The following PACRG variants were observed in gnomAD, a reference collection of about 807,000 sequenced individuals.
PACRG encodes the protein parkin coregulated, also known as parkin coregulated gene protein.
Under a neutral mutation model 29.7 loss-of-function variants are expected in PACRG, and 29 were observed. That is an observed-to-expected ratio of 0.98 (90% CI 0.73 to 1.33). The LOEUF (loss-of-function observed/expected upper bound fraction) is 1.33, where lower values mean the gene tolerates loss of function less well. PACRG is among the 40% of genes most tolerant of loss of function. The pLI, the probability that PACRG is intolerant of heterozygous loss-of-function variation, is 0.00. For missense variants in PACRG, 279 were observed against 316.2 expected (o/e 0.88, Z 0.89); for synonymous variants, 116 against 118.7 (o/e 0.98, Z 0.15).
intron 2 of PACRG, among the ~76,000 whole-genome samples, chr6:162,939,393 A>G (rs1460127151): frequency 1.3e-5 from 2 of 152,222 alleles, no homozygotes; most frequent in Non-Finnish European, 2.9e-5. Flanking sequence ...AAAAACAAAG[A>G]TAAATAGCTG....
At chr6:162,947,608 A>ATTATT (rs1554313269) in intron 2 of PACRG, among the ~76,000 whole-genome samples, 1 of 66,346 alleles carries the variant, frequency 1.5e-5, no homozygotes, top group Non-Finnish European at 2.7e-5. Flanking sequence ...ATATATATAT[A>ATTATT]ATCATATATA....
intron 4 of PACRG, among the ~76,000 whole-genome samples, chr6:163,230,313 T>G (rs1781972783): frequency 6.6e-6 from 1 of 152,230 alleles, no homozygotes; most frequent in South Asian, 2.1e-4. Context: ...TACCAGTTAT[T>G]CCAATTTATC....
At chr6:162,727,610 A>T, upstream of PACRG, 3 of 1,554,766 alleles carry the variant, frequency 1.9e-6, no homozygotes, top group Middle Eastern at 1.7e-4. Flanking sequence ...GTGGCGCCAT[A>T]CCGGGGCGTG....
At chr6:162,873,967 G>A (rs1440388260) in intron 2 of PACRG, among the ~76,000 whole-genome samples, 2 of 151,924 alleles carry the variant, frequency 1.3e-5, no homozygotes. Flanking sequence ...GCTACAAACA[G>A]ATTTTATTGC....
chr6:162,967,249 T>C (rs1052117838), intron 2 of PACRG, among the ~76,000 whole-genome samples: 4 of 79,244 alleles, frequency 5.0e-5, no homozygotes, highest in Non-Finnish European at 7.5e-5. Context: ...TTACTAAAAC[T>C]GAAAAAAAAA....
Position 163,089,379 on chromosome 6 carries a change from C to T in PACRG, c.584C>T (p.Pro195Leu). ...GTGCCTTATTACCGTCAAATCCTCC[C>T]TGTCCTGAACATCTTTAAGAATATG... Reference protein sequence around the residue: ...ALVPYYRQILPVLNIFKNMNV... With the variant: ...ALVPYYRQILLVLNIFKNMNV... The change falls in exon 4 of 5, where the codon CCT (proline) becomes CTT (leucine). Residue 195 changes from proline to leucine, a missense_variant. Pro to Leu is a moderately conservative substitution (Grantham distance 98). Coordinates refer to ENST00000366888, the MANE Select transcript of PACRG (RefSeq NM_001080379.2). 6.2e-7 allele frequency: 1 copy of T among 1,614,168 alleles called. No individual in the cohort carries two copies. The highest frequency in any genetic ancestry group is 1.1e-5 in the South Asian group (1 of 91,076).
Position 163,272,282 on chromosome 6 carries a change from G to A in PACRG, c.614-42545G>A, listed in dbSNP as rs147073480. On this transcript the variant is annotated intron_variant, in intron 4 of 4. Transcript: ENST00000366888. Reference sequence around the variant, plus strand: ...TTGAACTCCTGACCTCATGATCTGCGTCCCTCGGCCTTCCAAAGTGCTGGG... The same window carrying A: ...TTGAACTCCTGACCTCATGATCTGCATCCCTCGGCCTTCCAAAGTGCTGGG... Among the ~76,000 whole-genome samples, 69 of 152,160 alleles carry A rather than the reference G, an allele frequency of 4.5e-4. 2 individuals carry two copies. The South Asian group carries it at 0.012, about 26-fold the overall frequency.
At chr6:163,287,106 C>T (rs1348853351) in intron 4 of PACRG, among the ~76,000 whole-genome samples, 1 of 152,078 alleles carries the variant, frequency 6.6e-6, no homozygotes, top group Admixed American at 6.6e-5. Context: ...GTAGTTTGCA[C>T]CTAACTTTTA....
chr6:163,162,641 A>T (rs2982908), intron 4 of PACRG, among the ~76,000 whole-genome samples: 114,492 of 152,152 alleles, frequency 0.75, 44,233 homozygotes, highest in African/African-American at 0.94. Context: ...ACCTTTCTAG[A>T]CCTGCAAGGA....
At chr6:163,018,655 G>A (rs994181688) in intron 2 of PACRG, among the ~76,000 whole-genome samples, 21 of 152,282 alleles carry the variant, frequency 1.4e-4, no homozygotes, top group African/African-American at 4.3e-4. Flanking sequence ...TTCAGTGAAG[G>A]TCAGTAACTT....
chr6:162,828,899 C>G (rs1003344528), intron 2 of PACRG, among the ~76,000 whole-genome samples: 3 of 151,742 alleles, frequency 2.0e-5, no homozygotes, highest in Admixed American at 1.3e-4. Flanking sequence ...AGTTATAACC[C>G]GACACTAATG....
chr6:162,828,406 A>G (rs932300287), intron 2 of PACRG, among the ~76,000 whole-genome samples: 2 of 152,196 alleles, frequency 1.3e-5, no homozygotes, highest in African/African-American at 4.8e-5. Flanking sequence ...GTGCTGTCCA[A>G]TTGGTGCTCA....
rs116178493 is a variant in PACRG, at chr6:162,852,954, G to A, written c.291+38673G>A. On this transcript the variant is annotated intron_variant, in intron 2 of 4. Coordinates refer to ENST00000366888, the MANE Select transcript of PACRG (RefSeq NM_001080379.2). ...TTACAACAGGATTTGCTGCCCAGCC[G>A]TCAAAGCCATTCCCCTTCTCAACAC... Among the ~76,000 whole-genome samples, 375 of 152,290 alleles carry A rather than the reference G, an allele frequency of 2.5e-3. 2 individuals carry two copies. Among genetic ancestry groups the A allele is most frequent in the African/African-American group, 8.5e-3 (353 of 41,554 alleles).
At chr6:162,800,142 A>G (rs1375188373) in intron 1 of PACRG, among the ~76,000 whole-genome samples, 1 of 152,218 alleles carries the variant, frequency 6.6e-6, no homozygotes, top group Admixed American at 6.5e-5. Flanking sequence ...GTTGAAGGCA[A>G]GAACTGCACT....
At position 163,064,110 on chromosome 6, in the gene PACRG, T is replaced by TC. The variant is rs371069490; in HGVS notation, c.463+1790dup. 1.7e-3 allele frequency among the ~76,000 whole-genome samples: 252 copies of TC among 151,838 alleles called. 1 individual carries two copies. In the Middle Eastern group the frequency reaches 0.017, roughly 10 times the overall value. ...CTTTTTTTTTTTTTAAATCAATGCT[T>TC]CATGTTGGGATCACTGCCTTCTCAG... On this transcript the variant is annotated intron_variant, in intron 3 of 4. Transcript: ENST00000366888.
chr6:162,819,682 A>G (rs1475832270), intron 2 of PACRG, among the ~76,000 whole-genome samples: 1 of 152,226 alleles, frequency 6.6e-6, no homozygotes, highest in East Asian at 1.9e-4. Flanking sequence ...TATTTGTTGA[A>G]TGCAAGTAAA....
At chr6:162,883,815 G>C (rs1450653736) in intron 2 of PACRG, among the ~76,000 whole-genome samples, 37 of 152,130 alleles carry the variant, frequency 2.4e-4, no homozygotes, top group African/African-American at 8.7e-4. Flanking sequence ...TAGAACTTTT[G>C]AGTCCCCCAA....
chr6:162,811,538 A>AT (rs1389780053), intron 1 of PACRG, among the ~76,000 whole-genome samples: 18 of 152,206 alleles, frequency 1.2e-4, no homozygotes, highest in Admixed American at 4.6e-4. Context: ...TCACAGAAGC[A>AT]TATTGACTGA....
chr6:163,032,606 TAA>T (rs111696897), intron 2 of PACRG, among the ~76,000 whole-genome samples: 25 of 152,338 alleles, frequency 1.6e-4, no homozygotes, highest in Non-Finnish European at 2.5e-4. Flanking sequence ...ATCAGAATTA[TAA>T]GAGTTTTTTA....
Sources: allele counts gnomAD v4.1 joint callset (sites outside exome capture counted in the v4.1 genomes callset), GRCh38; gene constraint gnomAD v4.1.1; transcripts MANE v1.5; gene names NCBI Gene and HGNC (gene_info 2026-07-23, HGNC 2026-07-21).